Variants in SCN3B observed in about 807,000 individuals in gnomAD.
SCN3B encodes the protein sodium voltage-gated channel beta subunit 3.
Under a neutral mutation model 25.4 loss-of-function variants are expected in SCN3B, and 11 were observed. The observed-to-expected ratio is 0.43, with a 90% confidence interval of 0.27 to 0.72. The LOEUF (loss-of-function observed/expected upper bound fraction) is 0.72. SCN3B is among the 30% of genes least tolerant of loss of function. The pLI, the probability that SCN3B is intolerant of heterozygous loss-of-function variation, is 0.18. For missense variants in SCN3B, 218 were observed against 278.3 expected (o/e 0.78, Z 1.54); for synonymous variants, 109 against 110.7 (o/e 0.99, Z 0.09).
At chr11:123,636,888 T>A (rs548650060) in intron 5 of SCN3B, among the ~76,000 whole-genome samples, 1 of 152,140 alleles carries the variant, frequency 6.6e-6, no homozygotes, top group South Asian at 2.1e-4. Context: ...AGAGACAGGG[T>A]TTCACCATGT....
At position 123,643,295 on chromosome 11, in the gene SCN3B, C is replaced by A. The variant is rs973059755; in HGVS notation, c.220-624G>T. On this transcript the variant is annotated intron_variant, in intron 3 of 6. Coordinates refer to ENST00000299333, the MANE Select transcript of SCN3B (RefSeq NM_001040151.2). Reference sequence around the variant, plus strand: ...AGAGAGCCATCACCAGAGAGGCACACGTCACATCTTTTGCTTTGGACTGAA... The same window carrying A: ...AGAGAGCCATCACCAGAGAGGCACAAGTCACATCTTTTGCTTTGGACTGAA... Among the ~76,000 whole-genome samples, 3 of 152,206 alleles carry A rather than the reference C, an allele frequency of 2.0e-5. No individual in the cohort carries two copies. In the East Asian group the frequency reaches 5.8e-4, roughly 29 times the overall value.
intron 4 of SCN3B, chr11:123,640,039 T>C (rs1039568120): frequency 2.0e-5 from 3 of 152,176 alleles, no homozygotes; most frequent in Non-Finnish European, 2.9e-5. Flanking sequence ...CCCAAGTCCT[T>C]GGTTGTTAAG....
chr11:123,634,293 G>A, intron 5 of SCN3B, 87 bp from the exon 6 acceptor site: 1 of 1,044,080 alleles, frequency 9.6e-7, no homozygotes, highest in Non-Finnish European at 1.5e-6. Context: ...ACAGGAGCAA[G>A]GATCTACAGA....
intron 5 of SCN3B, among the ~76,000 whole-genome samples, chr11:123,635,871 G>A (rs1411783861): frequency 4.6e-5 from 7 of 152,278 alleles, no homozygotes; most frequent in Admixed American, 2.6e-4. Context: ...GACCTATGGC[G>A]CCTGCAAAGC....
At chr11:123,638,112 T>C in intron 5 of SCN3B, 74 bp downstream of exon 5, 1 of 1,571,674 alleles carries the variant, frequency 6.4e-7, no homozygotes, top group Non-Finnish European at 8.7e-7. Flanking sequence ...GTAAACTGCT[T>C]AGCACCTCAC....
intron 2 of SCN3B, among the ~76,000 whole-genome samples, chr11:123,649,815 T>A (rs1259424754): frequency 6.6e-6 from 1 of 152,124 alleles, no homozygotes; most frequent in Non-Finnish European, 1.5e-5. Flanking sequence ...GCGATTCTCC[T>A]GCCTCAGCCC....
rs72552183 is a variant in SCN3B at position 123,653,581 on chromosome 11, T to A, written c.55+166A>T. The stretch of plus-strand genomic sequence containing the variant: ...GCGGTGGGGAGGCGCCTTTCCCATC[T>A]CAAAATCCCAGCTCTCATGGAACCC... On this transcript the variant is annotated intron_variant, in intron 2 of 6. Coordinates refer to ENST00000299333, the MANE Select transcript of SCN3B (RefSeq NM_001040151.2). 5.2e-3 allele frequency among the ~76,000 whole-genome samples: 791 copies of A among 152,116 alleles called. 3 individuals are homozygous for A. Among genetic ancestry groups the A allele is most frequent in the Non-Finnish European group, 9.8e-3 (664 of 67,984 alleles).
intron 1 of SCN3B, 49 bp downstream of exon 1, chr11:123,654,177 G>C (rs1472560030): frequency 2.7e-6 from 1 of 372,308 alleles, no homozygotes; most frequent in Non-Finnish European, 5.1e-6. Flanking sequence ...GAAGGGAGTC[G>C]CACTGCTGGC....
intron 4 of SCN3B, chr11:123,639,783 G>T (rs1200418936): frequency 6.6e-6 from 1 of 152,144 alleles, no homozygotes; most frequent in Non-Finnish European, 1.5e-5. Flanking sequence ...TGGATTATCT[G>T]CCTGCTGTAT....
In SCN3B at chr11:123,638,192, T is replaced by C; in HGVS notation, c.578A>G (p.Glu193Gly). The C allele has an allele frequency of 3.7e-6, 6 of 1,614,158 alleles. No homozygotes were observed. The highest frequency in any genetic ancestry group is 5.1e-6 in the Non-Finnish European group (6 of 1,180,034). Residue 193 changes from glutamate (E) to glycine (G), a missense_variant, in exon 5 of 7, where the codon GAA becomes GGA. Coordinates refer to ENST00000299333, the MANE Select transcript of SCN3B (RefSeq NM_001040151.2). ...KVSKAEEAAQ[E>G]NASDYLAIPS... is the part of the protein sequence containing the mutation. ...TTGGCATCTCTGGACTTACGCGTTT[T>C]CTTGGGCTGCCTCTTCGGCTTTTGA...
In SCN3B at chr11:123,632,099, A is replaced by G. The variant is rs1298751198; in HGVS notation, c.*1700T>C. On this transcript the variant is annotated 3_prime_UTR_variant, in exon 7 of 7. Transcript: ENST00000299333. ...CACTTGGACCTGTCACTTAATTAAA[A>G]TGAAACACGAGATATTGACTAAAGT... The G allele has an allele frequency of 2.0e-5, 3 of 152,202 alleles. No individual in the cohort carries two copies. The highest frequency in any genetic ancestry group is 3.9e-4 in the East Asian group (2 of 5,182). 9.4% of individuals were successfully genotyped at this position (152,202 alleles called of 1,614,324 possible).
chr11:123,653,601 G>A (rs943462236), intron 2 of SCN3B, 146 bp downstream of exon 2: 9 of 914,686 alleles, frequency 9.8e-6, no homozygotes, highest in South Asian at 1.4e-5. Context: ...AGCTCTCATG[G>A]AACCCCTGCC....
intron 2 of SCN3B, among the ~76,000 whole-genome samples, chr11:123,647,663 A>T (rs943631607): frequency 2.6e-5 from 4 of 152,236 alleles, no homozygotes; most frequent in Admixed American, 2.0e-4. Context: ...ATCTCCTGGC[A>T]GAGCGTTCTT....
intron 3 of SCN3B, among the ~76,000 whole-genome samples, chr11:123,645,326 T>C (rs1416791302): frequency 6.6e-6 from 1 of 152,176 alleles, no homozygotes; most frequent in African/African-American, 2.4e-5. Context: ...GCCTATCACA[T>C]AGTAGGCTTT....
chr11:123,644,794 AGAGAGAATATATATATATATATATAT>A (rs561395371), intron 3 of SCN3B, among the ~76,000 whole-genome samples: 20,798 of 88,628 alleles, frequency 0.23, 1,885 homozygotes, highest in African/African-American at 0.29. Context: ...AGAGAGAGAG[AGAGAGAATATATATATATATATATAT>A]ATATATATAT....
At chr11:123,644,786 AGAGAGAGAGAGAGAATATATATATATAT>A (rs1565496716) in intron 3 of SCN3B, among the ~76,000 whole-genome samples, 5 of 97,446 alleles carry the variant, frequency 5.1e-5, no homozygotes, top group Non-Finnish European at 4.1e-5. Flanking sequence ...AGAGAGAGAG[AGAGAGAGAGAGAGAATATATATATATAT>A]ATATATATAT....
chr11:123,642,129 A>T lies in SCN3B; in HGVS notation c.445+317T>A, dbSNP rs1955799042. Among the ~76,000 whole-genome samples, 1 of 152,204 alleles carries T rather than the reference A, an allele frequency of 6.6e-6. No homozygotes were observed. ...TCAGGGATTCAACATAGGCCAAAGAAGAAGGCCTAGCTGAATCAGTAGCTT... is the reference window on the plus strand; with the variant it reads ...TCAGGGATTCAACATAGGCCAAAGATGAAGGCCTAGCTGAATCAGTAGCTT... On this transcript the variant is annotated intron_variant, in intron 4 of 6. Transcript: ENST00000299333. The surrounding 1 kb of genome is among the most constrained non-coding windows in gnomAD (Gnocchi z 4.3).
In SCN3B at chr11:123,631,821, T is replaced by A. The variant is rs551331695; in HGVS notation, c.*1978A>T. The A allele has an allele frequency of 2.0e-5, 3 of 152,136 alleles. 1 individual carries two copies. Among genetic ancestry groups the A allele is most frequent in the South Asian group, 4.2e-4 (2 of 4,812 alleles). 9.4% of individuals were successfully genotyped at this position (152,136 alleles called of 1,614,324 possible). ...TCTAGCCTGGGAGACAGAGTGAGAA[T>A]CTGTCTCAAAAAAATAATAATAAAT... On this transcript the variant is annotated 3_prime_UTR_variant, in exon 7 of 7. Transcript: ENST00000299333.
At chr11:123,650,300 CTCT>C (rs1198739169) in intron 2 of SCN3B, among the ~76,000 whole-genome samples, 1 of 152,192 alleles carries the variant, frequency 6.6e-6, no homozygotes, top group African/African-American at 2.4e-5. Context: ...TCAAATCTTT[CTCT>C]TCTTTGGACA....
Sources: allele counts gnomAD v4.1 joint callset (sites outside exome capture counted in the v4.1 genomes callset), GRCh38; gene constraint gnomAD v4.1.1; non-coding constraint Gnocchi (gnomAD v3.1); transcripts MANE v1.5; gene names NCBI Gene and HGNC (gene_info 2026-07-23, HGNC 2026-07-21).